KIF2A: variants seen among roughly 807,000 people sequenced by gnomAD.
KIF2A encodes kinesin family member 2A.
A neutral mutation model predicts 100.2 loss-of-function variants in KIF2A; 22 were observed. The ratio of observed to expected loss-of-function variants is 0.22; its 90% CI spans 0.16 to 0.31. The LOEUF (loss-of-function observed/expected upper bound fraction) is 0.31, where lower values mean the gene tolerates loss of function less well. Among genes scored for constraint, KIF2A ranks in the 10% least tolerant of loss-of-function variants. KIF2A has a pLI of 1.00. For missense variants in KIF2A, 495 were observed against 898.7 expected, an observed-to-expected ratio of 0.55 and a Z score of 5.74; for synonymous variants, 268 against 285.9, an observed-to-expected ratio of 0.94 and a Z score of 0.63.
At chr5:62,361,055 T>C (rs1057429429) in intron 9 of KIF2A, among the ~76,000 whole-genome samples, 187 bp from the exon 10 acceptor site, 15 of 152,206 alleles carry the variant, frequency 9.9e-5, no homozygotes, top group African/African-American at 3.6e-4. Context: ...TAAGTAATTT[T>C]AGCATATGAT....
intron 1 of KIF2A, chr5:62,306,877 G>A (rs1745316718): frequency 3.2e-6 from 1 of 315,904 alleles, no homozygotes; most frequent in African/African-American, 2.2e-5. Flanking sequence ...AGCCCGGGAG[G>A]GAGCGGGCTT....
intron 1 of KIF2A, among the ~76,000 whole-genome samples, chr5:62,338,474 G>C (rs1245189392): frequency 6.6e-6 from 1 of 152,024 alleles, no homozygotes; most frequent in Non-Finnish European, 1.5e-5. Context: ...ATTTTTAGTA[G>C]AGTTAGAGTT....
chr5:62,349,301 A>G (rs1008497130), intron 3 of KIF2A, among the ~76,000 whole-genome samples: 1 of 151,348 alleles, frequency 6.6e-6, no homozygotes, highest in Non-Finnish European at 1.5e-5. Context: ...TATTTTTAAA[A>G]GTATTAAAAA....
intron 1 of KIF2A, among the ~76,000 whole-genome samples, chr5:62,318,131 G>A (rs185921181): frequency 6.6e-6 from 1 of 151,946 alleles, no homozygotes; most frequent in African/African-American, 2.4e-5. Context: ...TCACCAGGCT[G>A]GAGTGCAGTG....
chr5:62,383,005 C>T (rs1384936593), intron 20 of KIF2A, among the ~76,000 whole-genome samples: 1 of 149,666 alleles, frequency 6.7e-6, no homozygotes, highest in South Asian at 2.1e-4. Flanking sequence ...CAGCTCACTG[C>T]GACCTCCGCC....
intron 8 of KIF2A, 143 bp downstream of exon 8, chr5:62,357,888 C>A: frequency 1.5e-6 from 1 of 648,612 alleles, no homozygotes; most frequent in Non-Finnish European, 2.7e-6. Flanking sequence ...ATTTCTATGG[C>A]TAAACTTGTC....
chr5:62,315,022 CAA>C (rs781600143), intron 1 of KIF2A, among the ~76,000 whole-genome samples: 59 of 152,046 alleles, frequency 3.9e-4, no homozygotes, highest in Non-Finnish European at 7.9e-4. Flanking sequence ...CTCAGCCTCC[CAA>C]AGTGTTGGGA....
intron 1 of KIF2A, among the ~76,000 whole-genome samples, chr5:62,337,331 A>G (rs1323684882): frequency 6.6e-6 from 1 of 152,032 alleles, no homozygotes; most frequent in Non-Finnish European, 1.5e-5. Context: ...CTCTCTACTA[A>G]AAATACAAAA....
intron 1 of KIF2A, among the ~76,000 whole-genome samples, chr5:62,346,919 T>TAAA (rs1747598926): frequency 6.6e-6 from 1 of 152,216 alleles, no homozygotes; most frequent in Non-Finnish European, 1.5e-5. Flanking sequence ...TTACCTGATT[T>TAAA]ACTGATTTAC....
chr5:62,350,043 A>C, intron 3 of KIF2A, 23 bp from the exon 4 acceptor site: 2 of 1,533,114 alleles, frequency 1.3e-6, no homozygotes, highest in South Asian at 2.4e-5. Context: ...AGAAAACATA[A>C]TGAACATTTT....
chr5:62,360,281 C>A (rs369005798), intron 9 of KIF2A, among the ~76,000 whole-genome samples: 1 of 152,116 alleles, frequency 6.6e-6, no homozygotes, highest in East Asian at 1.9e-4. Context: ...TGAGCCACCA[C>A]GCCTGGCCTC....
intron 6 of KIF2A, among the ~76,000 whole-genome samples, chr5:62,354,709 T>G (rs1310421454): frequency 2.0e-5 from 3 of 152,142 alleles, no homozygotes; most frequent in Non-Finnish European, 4.4e-5. Context: ...GAATCTGTAT[T>G]TATACTTTGC....
rs1176387171 is a variant in KIF2A, at chr5:62,388,952, C to CA, written c.*3389dup. On this transcript the variant is annotated 3_prime_UTR_variant, in exon 21 of 21. Coordinates refer to ENST00000407818, the MANE Select transcript of KIF2A (RefSeq NM_001098511.3). Reference sequence around the variant, plus strand: ...AGCAAAAGCATTATCTTCTCAAATACAAAAAATACAAAATTCATTTCTTTT... The same window carrying CA: ...AGCAAAAGCATTATCTTCTCAAATACAAAAAAATACAAAATTCATTTCTTTT... 1.3e-6 allele frequency: 2 copies of CA among 1,515,606 alleles called. No homozygotes were observed. Among genetic ancestry groups the CA allele is most frequent in the East Asian group, 2.3e-5 (1 of 44,144 alleles). The allele number at this position is 1,515,606 out of a possible 1,614,324, so 93.9% of individuals were successfully genotyped here. A position where few individuals can be genotyped will look rare whatever the true frequency, so the allele number is the denominator to read the frequency against.
chr5:62,353,142 C>T (rs1244200616), intron 5 of KIF2A, 133 bp from the exon 6 acceptor site: 11 of 516,694 alleles, frequency 2.1e-5, no homozygotes, highest in Admixed American at 3.9e-5. Flanking sequence ...GTAAAGCTCA[C>T]GTAGTTGTTA....
intron 16 of KIF2A, among the ~76,000 whole-genome samples, chr5:62,369,606 C>T (rs1741227136): frequency 6.6e-6 from 1 of 152,066 alleles, no homozygotes; most frequent in South Asian, 2.1e-4. Context: ...ATTTCCAAAT[C>T]TCTAGGAATA....
rs1347121792 is a variant in KIF2A, at chr5:62,390,334, A to G, written c.*4765A>G. Reference sequence around the variant, plus strand: ...TTTGGTCTAAATTACCTAGATAATTATGACAGCTTTTTACTTGAGAAGTGT... The same window carrying G: ...TTTGGTCTAAATTACCTAGATAATTGTGACAGCTTTTTACTTGAGAAGTGT... On this transcript the variant is annotated 3_prime_UTR_variant, in exon 21 of 21. Coordinates refer to ENST00000407818, the MANE Select transcript of KIF2A (RefSeq NM_001098511.3). Among the ~76,000 whole-genome samples, 3 of 152,230 alleles carry G rather than the reference A, an allele frequency of 2.0e-5. No individual in the cohort carries two copies. The highest frequency in any genetic ancestry group is 4.8e-5 in the African/African-American group (2 of 41,466).
rs909445709 is a variant in KIF2A at position 62,385,886 on chromosome 5, T to G, written c.*317T>G. 7.7e-5 allele frequency: 23 copies of G among 300,120 alleles called. No individual in the cohort carries two copies. Among genetic ancestry groups the G allele is most frequent in the African/African-American group, 4.5e-4 (21 of 46,744 alleles). The allele number at this position is 300,120 out of a possible 1,614,324, so 18.6% of individuals were successfully genotyped here. A position where few individuals can be genotyped will look rare whatever the true frequency, so the allele number is the denominator to read the frequency against. ...ACTGTGGACTCAATCCAGAGCCAGATAGTAGGGGGAAGCCACAGCATTTCC... is the reference window on the plus strand; with the variant it reads ...ACTGTGGACTCAATCCAGAGCCAGAGAGTAGGGGGAAGCCACAGCATTTCC... On this transcript the variant is annotated 3_prime_UTR_variant, in exon 21 of 21. Transcript: ENST00000407818.
Position 62,376,736 on chromosome 5 carries a change from TTTTTG to T in KIF2A, c.1912-905_1912-901del, listed in dbSNP as rs772447857. Among the ~76,000 whole-genome samples, 155 of 151,986 alleles carry T rather than the reference TTTTTG, an allele frequency of 1.0e-3. 2 individuals carry two copies. The highest frequency in any genetic ancestry group is 4.3e-3 in the Admixed American group (66 of 15,244). ...ACACCCAGCCGAAGTTTTTTTTTGT[TTTTTG>T]TTTTGTTTTGTTTTGTTTTTTAATC... On this transcript the variant is annotated intron_variant, in intron 18 of 20. Coordinates refer to ENST00000407818, the MANE Select transcript of KIF2A (RefSeq NM_001098511.3).
At chr5:62,340,760 A>G (rs1237605075) in intron 1 of KIF2A, among the ~76,000 whole-genome samples, 1 of 152,188 alleles carries the variant, frequency 6.6e-6, no homozygotes, top group Admixed American at 6.5e-5. Context: ...TTAACTTTCT[A>G]AATAAATCAT....
Sources: gnomAD v4.1 joint callset for allele counts (sites outside exome capture counted in the v4.1 genomes callset) on GRCh38, gnomAD v4.1.1 for gene constraint, MANE v1.5 for transcripts, NCBI Gene and HGNC (gene_info 2026-07-23, HGNC 2026-07-21) for gene names.